Variants in RAD51B observed in about 807,000 individuals in gnomAD.
RAD51B encodes DNA repair protein RAD51 homolog 2.
Under a neutral mutation model 42.2 loss-of-function variants are expected in RAD51B, and 38 were observed. That is an observed-to-expected ratio of 0.90 (90% confidence interval 0.70 to 1.18). RAD51B has a LOEUF of 1.18. Ranked by LOEUF, RAD51B falls within the 50% of genes most tolerant of loss-of-function variation. RAD51B has a pLI of 0.00. For missense variants in RAD51B, 373 were observed against 400.7 expected, an observed-to-expected ratio of 0.93 and a Z score of 0.59; for synonymous variants, 154 against 145.2, an observed-to-expected ratio of 1.06 and a Z score of -0.43.
intron 7 of RAD51B, among the ~76,000 whole-genome samples, chr14:68,276,079 GATGAATCCCTGGT>G (rs1261683683): frequency 6.6e-6 from 1 of 152,146 alleles, no homozygotes; most frequent in African/African-American, 2.4e-5. Context: ...TTTTGAGACA[GATGAATCCCTGGT>G]ATAAATACCT....
chr14:68,161,068 A>C (rs191720248), intron 7 of RAD51B, among the ~76,000 whole-genome samples: 37 of 152,292 alleles, frequency 2.4e-4, no homozygotes, highest in African/African-American at 8.7e-4. Flanking sequence ...ATTGGGACTC[A>C]AGGGAAGGAA....
intron 8 of RAD51B, among the ~76,000 whole-genome samples, chr14:68,313,283 G>A (rs921123086): frequency 6.6e-6 from 1 of 152,188 alleles, no homozygotes; most frequent in East Asian, 1.9e-4. Flanking sequence ...GGGTACAGCA[G>A]CTGAATGTCA....
intron 7 of RAD51B, among the ~76,000 whole-genome samples, chr14:68,090,936 G>A (rs1458411822): frequency 7.0e-6 from 1 of 142,448 alleles, no homozygotes; most frequent in Non-Finnish European, 1.5e-5. Context: ...CCACCTATGA[G>A]TGAGAACATG....
chr14:67,846,017 C>T (rs557021018), intron 4 of RAD51B, among the ~76,000 whole-genome samples: 2 of 152,274 alleles, frequency 1.3e-5, no homozygotes, highest in South Asian at 4.2e-4. Context: ...GCTGGAGGAG[C>T]CCAGGTGTTC....
intron 8 of RAD51B, among the ~76,000 whole-genome samples, chr14:68,354,722 A>T (rs1001372053): frequency 2.7e-5 from 4 of 149,472 alleles, no homozygotes; most frequent in Non-Finnish European, 5.9e-5. Context: ...TTATTTTTTA[A>T]TTTTTTTTTT....
At chr14:67,850,259 G>A (rs1459329159) in intron 4 of RAD51B, among the ~76,000 whole-genome samples, 1 of 152,186 alleles carries the variant, frequency 6.6e-6, no homozygotes, top group African/African-American at 2.4e-5. Flanking sequence ...GGAGTGCTGG[G>A]ATGGATTACA....
intron 7 of RAD51B, among the ~76,000 whole-genome samples, chr14:67,931,619 C>G (rs983232512): frequency 6.6e-6 from 1 of 151,536 alleles, no homozygotes; most frequent in East Asian, 1.9e-4. Context: ...TCTCCTGCCT[C>G]AGCCTCCTGA....
At chr14:67,881,358 T>C (rs995440215) in intron 5 of RAD51B, among the ~76,000 whole-genome samples, 1 of 152,348 alleles carries the variant, frequency 6.6e-6, no homozygotes, top group East Asian at 1.9e-4. Context: ...GTTCTCACCC[T>C]GTGTGGGCAC....
chr14:68,019,858 AG>A (rs2075835892), intron 7 of RAD51B, among the ~76,000 whole-genome samples: 1 of 152,228 alleles, frequency 6.6e-6, no homozygotes. Flanking sequence ...TACAGCTGGC[AG>A]GAGGAGAAAA....
intron 10 of RAD51B, among the ~76,000 whole-genome samples, chr14:68,648,072 TAC>T (rs1441368260): frequency 1.8e-5 from 2 of 113,418 alleles, no homozygotes; most frequent in Non-Finnish European, 3.7e-5. Flanking sequence ...TATATATATA[TAC>T]ACGTATATAT....
chr14:68,295,888 CA>C (rs1331647481), intron 8 of RAD51B, among the ~76,000 whole-genome samples: 1 of 152,122 alleles, frequency 6.6e-6, no homozygotes, highest in Non-Finnish European at 1.5e-5. Flanking sequence ...CCCCCGCCCC[CA>C]AATCCCAGTG....
chr14:68,649,999 C>T (rs753028220), intron 10 of RAD51B, among the ~76,000 whole-genome samples: 1 of 152,186 alleles, frequency 6.6e-6, no homozygotes, highest in Non-Finnish European at 1.5e-5. Flanking sequence ...CTGAGAGCCA[C>T]CTCTTGGCCC....
intron 7 of RAD51B, among the ~76,000 whole-genome samples, chr14:68,153,808 C>T (rs917297324): frequency 6.6e-6 from 1 of 152,090 alleles, no homozygotes; most frequent in African/African-American, 2.4e-5. Context: ...CCTAATTGGG[C>T]AAATAGACTT....
intron 5 of RAD51B, among the ~76,000 whole-genome samples, chr14:67,868,007 C>T (rs2042382638): frequency 6.6e-6 from 1 of 152,180 alleles, no homozygotes; most frequent in Non-Finnish European, 1.5e-5. Context: ...TATCTTTTTA[C>T]TAAGAAGGAG....
chr14:68,097,808 T>TACAA (rs1200020900), intron 7 of RAD51B, among the ~76,000 whole-genome samples: 1 of 152,226 alleles, frequency 6.6e-6, no homozygotes, highest in Non-Finnish European at 1.5e-5. Context: ...TAAAATGATA[T>TACAA]ACAAACACAC....
At chr14:68,284,759 T>G (rs757247533) in intron 7 of RAD51B, among the ~76,000 whole-genome samples, 7 of 143,320 alleles carry the variant, frequency 4.9e-5, no homozygotes, top group African/African-American at 1.8e-4. Flanking sequence ...TATTTTTGTG[T>G]TTTTTTTTTT....
At chr14:67,942,127 C>G (rs564742893) in intron 7 of RAD51B, among the ~76,000 whole-genome samples, 2 of 152,098 alleles carry the variant, frequency 1.3e-5, no homozygotes, top group Non-Finnish European at 2.9e-5. Context: ...TTAATAAAGT[C>G]TCTCATATAA....
At chr14:68,183,173 G>A (rs536284404) in intron 7 of RAD51B, among the ~76,000 whole-genome samples, 2 of 152,274 alleles carry the variant, frequency 1.3e-5, no homozygotes, top group South Asian at 4.1e-4. Flanking sequence ...TAGGCTCTCT[G>A]CAAGCTGAGG....
rs191385791 is a variant in RAD51B at position 67,990,915 on chromosome 14, G to C, written c.756+103711G>C. On this transcript the variant is annotated intron_variant, in intron 7 of 10. Transcript: ENST00000471583. ...GTGTTAAGATTTTATTATAGCATTTGTTTCTTTTTAGAGAGGGTAGAAGGG... is the reference window on the plus strand; with the variant it reads ...GTGTTAAGATTTTATTATAGCATTTCTTTCTTTTTAGAGAGGGTAGAAGGG... 1.1e-4 allele frequency among the ~76,000 whole-genome samples: 16 copies of C among 152,196 alleles called. No homozygotes were observed. In the East Asian group the frequency reaches 3.1e-3, roughly 29 times the overall value.
Sources: allele counts gnomAD v4.1 joint callset (sites outside exome capture counted in the v4.1 genomes callset), GRCh38; gene constraint gnomAD v4.1.1; transcripts MANE v1.5; gene names NCBI Gene and HGNC (gene_info 2026-07-23, HGNC 2026-07-21).